SLC24A2: variants seen among roughly 807,000 people sequenced by gnomAD.
The protein encoded by SLC24A2 is solute carrier family 24 member 2.
Under a neutral mutation model 62.0 loss-of-function variants are expected in SLC24A2, and 36 were observed. That is an observed-to-expected ratio of 0.58 (90% CI 0.44 to 0.77). The LOEUF is 0.77. SLC24A2 is among the 30% of genes least tolerant of loss of function. The probability of loss-of-function intolerance (pLI) is 0.00; values close to 1 mark genes in which losing one functional copy is unlikely to be tolerated. For synonymous variants in SLC24A2, 358 were observed against 294.0 expected, an observed-to-expected ratio of 1.22 and a Z score of -2.23; for missense variants, 846 against 817.9, an observed-to-expected ratio of 1.03 and a Z score of -0.42.
intron 2 of SLC24A2, among the ~76,000 whole-genome samples, chr9:19,706,205 T>A (rs1409409794): frequency 1.3e-5 from 2 of 151,536 alleles, no homozygotes; most frequent in African/African-American, 4.8e-5. Context: ...CTTTGTCTCT[T>A]TTGATCTTTG....
the SLC24A2 span, among the ~76,000 whole-genome samples, chr9:20,265,313 G>A: frequency 1.2e-4 from 18 of 152,302 alleles, no homozygotes; most frequent in East Asian, 1.2e-3. Flanking sequence ...AAGAATAGTC[G>A]CCGAGTTGTT....
the SLC24A2 span, among the ~76,000 whole-genome samples, chr9:19,845,126 T>C: frequency 6.6e-6 from 1 of 152,198 alleles, no homozygotes; most frequent in Non-Finnish European, 1.5e-5. Context: ...CTTAACAATA[T>C]TGATTCTTCC....
chr9:19,914,369 C>CA, the SLC24A2 span, among the ~76,000 whole-genome samples: 2 of 120,984 alleles, frequency 1.7e-5, no homozygotes, highest in African/African-American at 5.4e-5. Flanking sequence ...AAAATAAAAC[C>CA]CATACACCTT....
the SLC24A2 span, among the ~76,000 whole-genome samples, chr9:20,040,371 G>A: frequency 6.6e-6 from 1 of 152,218 alleles, no homozygotes; most frequent in Non-Finnish European, 1.5e-5. Flanking sequence ...ATGCTAATAT[G>A]GTTCAGAATG....
the SLC24A2 span, among the ~76,000 whole-genome samples, chr9:19,886,701 G>T: frequency 1.3e-5 from 2 of 152,058 alleles, no homozygotes; most frequent in Non-Finnish European, 2.9e-5. Flanking sequence ...CCCATTACTG[G>T]GTATATACCC....
At chr9:20,035,895 A>G in the SLC24A2 span, among the ~76,000 whole-genome samples, 1 of 152,240 alleles carries the variant, frequency 6.6e-6, no homozygotes, top group Admixed American at 6.5e-5. Flanking sequence ...AAAGTTATCA[A>G]TAGCAGAACA....
intron 2 of SLC24A2, among the ~76,000 whole-genome samples, chr9:19,729,273 A>G (rs1276768598): frequency 6.6e-6 from 1 of 152,196 alleles, no homozygotes; most frequent in East Asian, 1.9e-4. Context: ...GTTAGTAGGA[A>G]TGTTAACCAG....
At chr9:19,693,036 G>GCAT (rs1281831410) in intron 2 of SLC24A2, among the ~76,000 whole-genome samples, 2 of 152,046 alleles carry the variant, frequency 1.3e-5, no homozygotes, top group African/African-American at 4.8e-5. Context: ...GCATTTGTGA[G>GCAT]CATAAAATGA....
the SLC24A2 span, among the ~76,000 whole-genome samples, chr9:20,096,875 G>T: frequency 6.6e-5 from 10 of 151,976 alleles, no homozygotes; most frequent in East Asian, 1.9e-3. Context: ...AGGTAATTTT[G>T]GCTCTGTTAC....
chr9:19,899,485 C>T, the SLC24A2 span, among the ~76,000 whole-genome samples: 6 of 152,114 alleles, frequency 3.9e-5, no homozygotes, highest in African/African-American at 1.2e-4. Flanking sequence ...TAATAGCAAG[C>T]CTTGGTCCTC....
chr9:19,710,951 A>C (rs1820697880), intron 2 of SLC24A2, among the ~76,000 whole-genome samples: 1 of 152,264 alleles, frequency 6.6e-6, no homozygotes, highest in African/African-American at 2.4e-5. Context: ...ACAGACTCAG[A>C]GAATGTACTT....
chr9:20,004,545 T>A, the SLC24A2 span, among the ~76,000 whole-genome samples: 1 of 152,232 alleles, frequency 6.6e-6, no homozygotes, highest in South Asian at 2.1e-4. Flanking sequence ...AAGACTCTCA[T>A]TTTGTTTTAT....
At chr9:19,617,632 G>A (rs1384790270) in intron 4 of SLC24A2, among the ~76,000 whole-genome samples, 1 of 152,064 alleles carries the variant, frequency 6.6e-6, no homozygotes. Context: ...TCTTCACCCC[G>A]GGACTACAGC....
At chr9:20,272,834 T>A in the SLC24A2 span, among the ~76,000 whole-genome samples, 1 of 151,940 alleles carries the variant, frequency 6.6e-6, no homozygotes, top group Admixed American at 6.6e-5. Context: ...TGAGAATGCA[T>A]GGGAAGCTGA....
chr9:19,715,349 C>CA (rs1421012531), intron 2 of SLC24A2, among the ~76,000 whole-genome samples: 1 of 152,158 alleles, frequency 6.6e-6, no homozygotes, highest in African/African-American at 2.4e-5. Flanking sequence ...AACCCTGCCC[C>CA]TTCAAGATTA....
the SLC24A2 span, among the ~76,000 whole-genome samples, chr9:20,255,971 C>T: frequency 1.3e-5 from 2 of 152,132 alleles, no homozygotes; most frequent in Non-Finnish European, 2.9e-5. Flanking sequence ...GTTCTGGAGG[C>T]TGGAAAACCC....
chr9:20,210,311 G>A, the SLC24A2 span, among the ~76,000 whole-genome samples: 1 of 152,170 alleles, frequency 6.6e-6, no homozygotes, highest in Admixed American at 6.5e-5. Flanking sequence ...GCAAGTGCTG[G>A]TAACTAGAAA....
At chr9:19,661,290 AT>A (rs1192263680) in intron 2 of SLC24A2, among the ~76,000 whole-genome samples, 4 of 150,926 alleles carry the variant, frequency 2.7e-5, no homozygotes, top group Admixed American at 2.0e-4. Context: ...CATATTTGTT[AT>A]TTAACCGACA....
chr9:20,239,839 A>G, the SLC24A2 span, among the ~76,000 whole-genome samples: 99 of 151,178 alleles, frequency 6.5e-4, 1 homozygote, highest in African/African-American at 2.4e-3. Context: ...AGAAAAAGAG[A>G]TATGGTATGA....
Sources: allele counts gnomAD v4.1 joint callset (sites outside exome capture counted in the v4.1 genomes callset), GRCh38; gene constraint gnomAD v4.1.1; transcripts MANE v1.5; gene names NCBI Gene and HGNC (gene_info 2026-07-23, HGNC 2026-07-21).